EFNA5: variants seen among roughly 807,000 people sequenced by gnomAD.
The protein encoded by EFNA5 is ephrin-A5.
A neutral mutation model predicts 22.9 loss-of-function variants in EFNA5; 5 were observed. The ratio of observed to expected loss-of-function variants is 0.22; its 90% CI spans 0.11 to 0.46. The LOEUF (loss-of-function observed/expected upper bound fraction) is 0.46, where lower values mean the gene tolerates loss of function less well. EFNA5 is among the 20% of genes least tolerant of loss of function. The pLI, the probability that EFNA5 is intolerant of heterozygous loss-of-function variation, is 0.99. For synonymous variants in EFNA5, 113 were observed against 112.2 expected, an observed-to-expected ratio of 1.01 and a Z score of -0.04; for missense variants, 237 against 293.3, an observed-to-expected ratio of 0.81 and a Z score of 1.40.
intron 1 of EFNA5, among the ~76,000 whole-genome samples, chr5:107,557,909 C>T (rs750647321): frequency 7.2e-5 from 11 of 152,100 alleles, no homozygotes; most frequent in Non-Finnish European, 1.6e-4. Flanking sequence ...GACCTGGGTT[C>T]AGACAATTTC....
chr5:107,597,548 A>G (rs1295104022), intron 1 of EFNA5, among the ~76,000 whole-genome samples: 1 of 152,172 alleles, frequency 6.6e-6, no homozygotes, highest in African/African-American at 2.4e-5. Flanking sequence ...TATAGCTTGG[A>G]AAAATATTAC....
intron 1 of EFNA5, among the ~76,000 whole-genome samples, chr5:107,494,987 G>A (rs1746934994): frequency 6.6e-6 from 1 of 152,090 alleles, no homozygotes; most frequent in Non-Finnish European, 1.5e-5. Context: ...CTAGCTCAGG[G>A]ATTGTAAAAG....
At chr5:107,444,122 G>T (rs894640102) in intron 1 of EFNA5, among the ~76,000 whole-genome samples, 1 of 152,134 alleles carries the variant, frequency 6.6e-6, no homozygotes, top group Non-Finnish European at 1.5e-5. Flanking sequence ...GATGTAAGTG[G>T]TTCAGAACAG....
At chr5:107,453,099 C>T (rs905264584) in intron 1 of EFNA5, among the ~76,000 whole-genome samples, 1 of 152,052 alleles carries the variant, frequency 6.6e-6, no homozygotes, top group African/African-American at 2.4e-5. Context: ...AATAACAATA[C>T]ACTATTTAAC....
At chr5:107,543,840 A>G (rs1748096041) in intron 1 of EFNA5, among the ~76,000 whole-genome samples, 1 of 152,238 alleles carries the variant, frequency 6.6e-6, no homozygotes, top group Non-Finnish European at 1.5e-5. Context: ...ATAACATTTA[A>G]TATGCTGTAA....
chr5:107,626,995 T>C (rs1354304830), intron 1 of EFNA5, among the ~76,000 whole-genome samples: 1 of 152,166 alleles, frequency 6.6e-6, no homozygotes, highest in Non-Finnish European at 1.5e-5. Context: ...TATTGTAAGA[T>C]TTTCTGTGTA....
At chr5:107,397,123 A>G (rs1747948085) in intron 2 of EFNA5, among the ~76,000 whole-genome samples, 1 of 151,778 alleles carries the variant, frequency 6.6e-6, no homozygotes, top group Non-Finnish European at 1.5e-5. Context: ...AGCCTGGTGC[A>G]ATGCCTATAG....
chr5:107,488,143 C>T (rs926823059), intron 1 of EFNA5, among the ~76,000 whole-genome samples: 1 of 152,106 alleles, frequency 6.6e-6, no homozygotes, highest in Non-Finnish European at 1.5e-5. Flanking sequence ...TACATGAGTC[C>T]CATGTGGGAG....
rs1476845834 is a variant in EFNA5, at chr5:107,380,895, C to T, written c.*360G>A. The T allele has an allele frequency of 1.2e-5, 5 of 419,356 alleles. No homozygotes were observed. The highest frequency in any genetic ancestry group is 3.4e-5 in the East Asian group (1 of 29,826). The allele number at this position is 419,356 out of a possible 1,614,324, so 26.0% of individuals were successfully genotyped here. On this transcript the variant is annotated 3_prime_UTR_variant, in exon 5 of 5. Coordinates refer to ENST00000333274, the MANE Select transcript of EFNA5 (RefSeq NM_001962.3). ...CCACTATTCTTCCTTGTCCATAGCC[C>T]GCTGACACAGTGCGCTAACGGAGGT...
chr5:107,449,288 C>A (rs140817916), intron 1 of EFNA5, among the ~76,000 whole-genome samples: 1 of 151,582 alleles, frequency 6.6e-6, no homozygotes, highest in Non-Finnish European at 1.5e-5. Flanking sequence ...GAGTGTCCAA[C>A]GCCTAGAGGC....
rs1456844442 is a variant in EFNA5 at position 107,670,627 on chromosome 5, C to A, written c.-14G>T. The A allele has an allele frequency of 1.3e-6, 2 of 1,597,836 alleles. No homozygotes were observed. The highest frequency in any genetic ancestry group is 2.3e-5 in the South Asian group (2 of 87,822). ...CACGTGCAACATCACGCCTGGCCAG[C>A]GGCGGAGCCCCCGACGCGCCACTCC... On this transcript the variant is annotated 5_prime_UTR_variant, in exon 1 of 5. Transcript: ENST00000333274.
intron 1 of EFNA5, among the ~76,000 whole-genome samples, chr5:107,451,991 T>C (rs1341708082): frequency 6.6e-6 from 1 of 152,108 alleles, no homozygotes; most frequent in Admixed American, 6.5e-5. Context: ...CCATCAATGA[T>C]AGACAGGATA....
chr5:107,441,402 C>T (rs1749254325), intron 1 of EFNA5, among the ~76,000 whole-genome samples: 1 of 152,140 alleles, frequency 6.6e-6, no homozygotes, highest in Admixed American at 6.6e-5. Context: ...AGGGCTGGAG[C>T]AAGGAAGGAT....
At chr5:107,547,479 G>A (rs1748189312) in intron 1 of EFNA5, among the ~76,000 whole-genome samples, 2 of 151,098 alleles carry the variant, frequency 1.3e-5, no homozygotes, top group African/African-American at 4.9e-5. Context: ...TCTTGGTTAG[G>A]AATTTCTGGT....
chr5:107,656,740 G>C (rs1206843518), intron 1 of EFNA5, among the ~76,000 whole-genome samples: 1 of 151,980 alleles, frequency 6.6e-6, no homozygotes, highest in African/African-American at 2.4e-5. Context: ...AAGTCTGAGG[G>C]AGATATTTTT....
chr5:107,416,383 G>T (rs966207841), intron 2 of EFNA5, among the ~76,000 whole-genome samples: 2 of 152,190 alleles, frequency 1.3e-5, no homozygotes, highest in Non-Finnish European at 2.9e-5. Context: ...TAGGCTTGGG[G>T]TCAAACTACA....
At chr5:107,577,452 T>G (rs1368569826) in intron 1 of EFNA5, among the ~76,000 whole-genome samples, 1 of 152,060 alleles carries the variant, frequency 6.6e-6, no homozygotes, top group Non-Finnish European at 1.5e-5. Context: ...CAGTGAAGGT[T>G]CAGCAATAAG....
At chr5:107,644,236 T>C (rs1488480948) in intron 1 of EFNA5, among the ~76,000 whole-genome samples, 3 of 152,076 alleles carry the variant, frequency 2.0e-5, no homozygotes, top group African/African-American at 7.2e-5. Flanking sequence ...GTCGTCGTCA[T>C]CCTCCATTAG....
At chr5:107,595,257 T>C (rs1435436889) in intron 1 of EFNA5, among the ~76,000 whole-genome samples, 1 of 152,140 alleles carries the variant, frequency 6.6e-6, no homozygotes, top group African/African-American at 2.4e-5. Flanking sequence ...TGAAATATTA[T>C]TAATCTGTCT....
Sources: gnomAD v4.1 joint callset for allele counts (sites outside exome capture counted in the v4.1 genomes callset) on GRCh38, gnomAD v4.1.1 for gene constraint, MANE v1.5 for transcripts, NCBI Gene and HGNC (gene_info 2026-07-23, HGNC 2026-07-21) for gene names.